IL1RAPL1: variants seen among roughly 807,000 people sequenced by gnomAD.
IL1RAPL1 encodes interleukin 1 receptor accessory protein like 1, also known as interleukin-1 receptor accessory protein-like 1.
In IL1RAPL1, 3 loss-of-function variants were observed where a neutral mutation model predicts 48.4. The ratio of observed to expected loss-of-function variants is 0.06; its 90% CI spans 0.03 to 0.16. IL1RAPL1 has a LOEUF of 0.16. Among genes scored for constraint, IL1RAPL1 ranks in the 10% least tolerant of loss-of-function variants. The probability of loss-of-function intolerance (pLI) is 1.00; values close to 1 mark genes in which losing one functional copy is unlikely to be tolerated. For synonymous variants in IL1RAPL1, 185 were observed against 187.7 expected, an observed-to-expected ratio of 0.99 and a Z score of 0.12; for missense variants, 349 against 530.6, an observed-to-expected ratio of 0.66 and a Z score of 3.36.
intron 5 of IL1RAPL1, among the ~76,000 whole-genome samples, chrX:29,450,264 T>G (rs1934663856): frequency 8.9e-6 from 1 of 112,095 alleles, no homozygotes; most frequent in Admixed American, 9.5e-5. Context: ...GCTGACATGT[T>G]TTAAAAAGTG....
At position 28,866,491 on chromosome X, in the gene IL1RAPL1, A is replaced by G. The variant is rs568333024; in HGVS notation, c.82+77066A>G. 2.4e-4 allele frequency among the ~76,000 whole-genome samples: 26 copies of G among 109,635 alleles called. No homozygotes were observed. The South Asian group carries it at 9.6e-3, about 40-fold the overall frequency. On this transcript the variant is annotated intron_variant, in intron 2 of 10. Transcript: ENST00000378993. ...ATCACCACTAAAGAAGTTACTCTGT[A>G]ACCAAATGCCACTTGTTCCCCCCAA...
rs145765546 is a variant in IL1RAPL1 at position 29,637,942 on chromosome X, T to C, written c.704-30488T>C. On this transcript the variant is annotated intron_variant, in intron 5 of 10. Transcript: ENST00000378993. ...TGCTTTTCTTCACACAGCGGACCTATGTTTGTTTTACACCTATGTTATGTT... is the reference window on the plus strand; with the variant it reads ...TGCTTTTCTTCACACAGCGGACCTACGTTTGTTTTACACCTATGTTATGTT... Among the ~76,000 whole-genome samples, 493 of 112,306 alleles carry C rather than the reference T, an allele frequency of 4.4e-3. 3 individuals carry two copies. Among genetic ancestry groups the C allele is most frequent in the African/African-American group, 0.015 (467 of 30,932 alleles).
At chrX:28,768,162 T>C (rs1432250830) in intron 1 of IL1RAPL1, among the ~76,000 whole-genome samples, 2 of 111,998 alleles carry the variant, frequency 1.8e-5, no homozygotes, top group Non-Finnish European at 3.8e-5. Flanking sequence ...CGTGAAATTA[T>C]AACTCAGTTT....
intron 1 of IL1RAPL1, among the ~76,000 whole-genome samples, chrX:28,723,118 AG>A (rs1195672199): frequency 1.8e-5 from 2 of 111,673 alleles, no homozygotes; most frequent in African/African-American, 3.3e-5. Context: ...AAAATGAGTT[AG>A]GGAGGATTCC....
At chrX:29,420,486 A>C (rs764733524) in intron 5 of IL1RAPL1, among the ~76,000 whole-genome samples, 1 of 112,038 alleles carries the variant, frequency 8.9e-6, no homozygotes, top group South Asian at 3.7e-4. Context: ...TCTTCTGGTC[A>C]ACCTTCAGTC....
intron 2 of IL1RAPL1, among the ~76,000 whole-genome samples, chrX:29,250,948 T>G (rs1931594496): frequency 1.8e-5 from 2 of 112,279 alleles, no homozygotes; most frequent in African/African-American, 6.5e-5. Context: ...AATGCATTAT[T>G]TTTCCTAACA....
intron 6 of IL1RAPL1, among the ~76,000 whole-genome samples, chrX:29,745,777 T>C (rs1040383268): frequency 9.0e-6 from 1 of 110,794 alleles, no homozygotes; most frequent in African/African-American, 3.3e-5. Context: ...AGCTTTGGCC[T>C]TCACTAGCAT....
intron 2 of IL1RAPL1, among the ~76,000 whole-genome samples, chrX:28,975,897 A>T (rs1298537064): frequency 8.9e-6 from 1 of 111,796 alleles, no homozygotes; most frequent in Non-Finnish European, 1.9e-5. Flanking sequence ...GGATTGAGGT[A>T]TTAGGATGTC....
chrX:28,985,826 A>AT (rs1174658682), intron 2 of IL1RAPL1, among the ~76,000 whole-genome samples: 1 of 108,478 alleles, frequency 9.2e-6, no homozygotes, highest in African/African-American at 3.4e-5. Context: ...CGCCCGGCTA[A>AT]TTTTTTGTAT....
chrX:29,931,694 T>C lies in IL1RAPL1; in HGVS notation c.1058-9957T>C, dbSNP rs182783496. ...TCTGTAGAAAACATGGCTTCTTCTA[T>C]TGGTTATCTAGGCAGTCCAGATGTT... On this transcript the variant is annotated intron_variant, in intron 8 of 10. Coordinates refer to ENST00000378993, the MANE Select transcript of IL1RAPL1 (RefSeq NM_014271.4). 8.7e-4 allele frequency among the ~76,000 whole-genome samples: 98 copies of C among 112,484 alleles called. 1 individual carries two copies. The highest frequency in any genetic ancestry group is 2.8e-3 in the African/African-American group (88 of 31,044).
At chrX:29,890,239 CT>C (rs1229753080) in intron 6 of IL1RAPL1, among the ~76,000 whole-genome samples, 1 of 111,850 alleles carries the variant, frequency 8.9e-6, no homozygotes, top group African/African-American at 3.2e-5. Context: ...AGCAGCTTCT[CT>C]ATTTACAGCT....
At chrX:28,678,893 A>G (rs369208073) in intron 1 of IL1RAPL1, among the ~76,000 whole-genome samples, 2 of 112,442 alleles carry the variant, frequency 1.8e-5, no homozygotes, top group East Asian at 2.8e-4. Context: ...GCTGCAATGA[A>G]CATGGGAGTG....
intron 2 of IL1RAPL1, among the ~76,000 whole-genome samples, chrX:28,944,419 G>A (rs1912965176): frequency 9.1e-6 from 1 of 110,482 alleles, no homozygotes; most frequent in Admixed American, 9.7e-5. Flanking sequence ...ATATCCACTG[G>A]GTATGCAGTT....
intron 2 of IL1RAPL1, among the ~76,000 whole-genome samples, chrX:29,214,299 A>C (rs56680494): frequency 0.2 from 22,064 of 110,494 alleles, 2,543 homozygotes; most frequent in East Asian, 0.4. Context: ...TACATGTGAT[A>C]ATCATAAGCC....
At chrX:29,670,713 A>G (rs1157989265) in intron 6 of IL1RAPL1, among the ~76,000 whole-genome samples, 1 of 112,062 alleles carries the variant, frequency 8.9e-6, no homozygotes, top group African/African-American at 3.2e-5. Context: ...CAAAATATGT[A>G]TTTGGACTTT....
chrX:28,984,046 A>T (rs1925406501), intron 2 of IL1RAPL1, among the ~76,000 whole-genome samples: 1 of 111,593 alleles, frequency 9.0e-6, no homozygotes, highest in African/African-American at 3.3e-5. Context: ...TTGGAATAGC[A>T]TGTGTGTGAC....
chrX:29,914,418 A>AT (rs1180274985), intron 6 of IL1RAPL1, among the ~76,000 whole-genome samples: 1 of 111,587 alleles, frequency 9.0e-6, no homozygotes, highest in Non-Finnish European at 1.9e-5. Flanking sequence ...CTTATTTATG[A>AT]TTTTTAAGGT....
intron 2 of IL1RAPL1, among the ~76,000 whole-genome samples, chrX:29,273,693 T>C (rs966513088): frequency 9.0e-6 from 1 of 111,674 alleles, no homozygotes; most frequent in African/African-American, 3.3e-5. Flanking sequence ...GTTGCTGTCA[T>C]CTGTGCTAGC....
rs1235712002 is a variant in IL1RAPL1 at position 28,717,602 on chromosome X, A to G, written c.-24-71718A>G. Among the ~76,000 whole-genome samples, 3 of 111,242 alleles carry G rather than the reference A, an allele frequency of 2.7e-5. No individual in the cohort carries two copies. The South Asian group carries it at 1.1e-3, about 42-fold the overall frequency. On this transcript the variant is annotated intron_variant, in intron 1 of 10. Coordinates refer to ENST00000378993, the MANE Select transcript of IL1RAPL1 (RefSeq NM_014271.4). ...TCTGTACAACAAACCCCCATGACAC[A>G]CATTTACCTATGTTACAAAGCTACA...
Sources: allele counts gnomAD v4.1 joint callset (sites outside exome capture counted in the v4.1 genomes callset), GRCh38; gene constraint gnomAD v4.1.1; transcripts MANE v1.5; gene names NCBI Gene and HGNC (gene_info 2026-07-23, HGNC 2026-07-21).